The following KLHDC7B variants were observed in gnomAD, a reference collection of about 807,000 sequenced individuals.
The protein encoded by KLHDC7B is kelch domain containing 7B.
A neutral mutation model predicts 0.6 loss-of-function variants in KLHDC7B; 1 was observed. That is an observed-to-expected ratio of 1.71 (90% CI 0.61 to 8.11). KLHDC7B has a LOEUF of 8.11. Ranked by LOEUF, KLHDC7B falls within the 30% of genes most tolerant of loss-of-function variation. The probability of loss-of-function intolerance (pLI) is 0.13; values close to 1 mark genes in which losing one functional copy is unlikely to be tolerated. For missense variants in KLHDC7B, 993 were observed against 894.9 expected (o/e 1.11, Z -1.40); for synonymous variants, 462 against 405.2 (o/e 1.14, Z -1.68).
chr22:50,549,764 A>G lies in KLHDC7B; in HGVS notation c.3521A>G (p.His1174Arg), dbSNP rs131779. ...SLPLPAPAPL[H>R]CTTLGNTIYC... is the part of the protein sequence containing the mutation. Reference sequence around the variant, plus strand: ...CCCCTGCCCGCCCCCGCCCCACTGCACTGCACCACCCTGGGCAACACCATT... The same window carrying G: ...CCCCTGCCCGCCCCCGCCCCACTGCGCTGCACCACCCTGGGCAACACCATT... Residue 1174 changes from histidine (H) to arginine (R), a missense_variant, in exon 1 of 1, where the codon CAC (histidine) becomes CGC (arginine). Physicochemically the swap from His to Arg is conservative, Grantham distance 29. Transcript: ENST00000648057. 1,026,470 of 1,552,230 alleles carry G rather than the reference A, an allele frequency of 0.66. 331,507 individuals are homozygous for G. The highest frequency in any genetic ancestry group is 0.67 in the Non-Finnish European group (770,650 of 1,146,508).
chr22:50,548,124 C>T lies in KLHDC7B; in HGVS notation c.1881C>T (p.Tyr627=). The part of the protein sequence containing the change: ...PQESVALPRR[Y]QEGQVSASWG... ...AGAGTGTGGCTCTCCCCAGGCGCTA[C>T]CAGGAGGGGCAGGTCTCAGCCAGCT... Residue 627 remains tyrosine, a synonymous_variant, in exon 1 of 1, where the codon TAC becomes TAT. Coordinates refer to ENST00000648057, the MANE Select transcript of KLHDC7B (RefSeq NM_138433.5). This position sits in a 1 kb window ranked among gnomAD's most constrained non-coding sequence, Gnocchi z 5.3. The T allele has an allele frequency of 3.4e-6, 5 of 1,457,294 alleles. No homozygotes were observed. Among genetic ancestry groups the T allele is most frequent in the Non-Finnish European group, 4.5e-6 (5 of 1,103,120 alleles). The allele number at this position is 1,457,294 out of a possible 1,614,324, so 90.3% of individuals were successfully genotyped here. A position where few individuals can be genotyped will look rare whatever the true frequency, so the allele number is the denominator to read the frequency against.
upstream of KLHDC7B, among the ~76,000 whole-genome samples, chr22:50,547,353 C>A (rs1357526714): frequency 6.6e-6 from 1 of 151,812 alleles, no homozygotes; most frequent in Non-Finnish European, 1.5e-5. Flanking sequence ...CAGGGGCCTA[C>A]GATGCCGGCG....
In KLHDC7B at chr22:50,547,765, CCAGCTCCAACCT is replaced by C; in HGVS notation, c.1533_1544del (p.Ala513_Ser516del). The C allele has an allele frequency of 2.0e-6, 1 of 509,814 alleles. No individual in the cohort carries two copies. Among genetic ancestry groups the C allele is most frequent in the Non-Finnish European group, 3.5e-6 (1 of 289,362 alleles). The allele number at this position is 509,814 out of a possible 1,614,324, so 31.6% of individuals were successfully genotyped here. A position where few individuals can be genotyped will look rare whatever the true frequency, so the allele number is the denominator to read the frequency against. ...CTCATCCCCCACCTCAGCCCCAGCC[CCAGCTCCAACCT>C]CAGCTCCAACTTCAACCCCAGCCCC... On this transcript the variant is annotated inframe_deletion, in exon 1 of 1. Coordinates refer to ENST00000648057, the MANE Select transcript of KLHDC7B (RefSeq NM_138433.5).
In KLHDC7B at chr22:50,547,524, C is replaced by T. The variant is rs923031182; in HGVS notation, c.1281C>T (p.Gly427=). The T allele has an allele frequency of 7.5e-6, 3 of 398,184 alleles. No homozygotes were observed. Among genetic ancestry groups the T allele is most frequent in the South Asian group, 2.5e-4 (2 of 7,938 alleles). 24.7% of individuals were successfully genotyped at this position (398,184 alleles called of 1,614,324 possible). A position where few individuals can be genotyped will look rare whatever the true frequency, so the allele number is the denominator to read the frequency against. The stretch of plus-strand genomic sequence containing the variant: ...CCGCCTCCCCGCCCGCAGCTCCCGG[C>T]CCGGGGTTCCCACCTGAAGCCCTGA... The part of the protein sequence containing the change: ...PRSASPPAAP[G]PGFPPEALTL... Residue 427 remains glycine, a synonymous_variant, in exon 1 of 1, where the codon GGC becomes GGT. Transcript: ENST00000648057.
rs1297751047 is a variant in KLHDC7B at position 50,546,413 on chromosome 22, C to T, written c.170C>T (p.Pro57Leu). 5.0e-6 allele frequency: 2 copies of T among 399,176 alleles called. No individual in the cohort carries two copies. The highest frequency in any genetic ancestry group is 1.3e-4 in the South Asian group (1 of 7,868). 24.7% of individuals were successfully genotyped at this position (399,176 alleles called of 1,614,324 possible). A position where few individuals can be genotyped will look rare whatever the true frequency, so the allele number is the denominator to read the frequency against. Residue 57 changes from proline (P) to leucine (L), a missense_variant, in exon 1 of 1, where the codon CCG (proline) becomes CTG (leucine). Pro to Leu is a moderately conservative substitution (Grantham distance 98). Transcript: ENST00000648057. ...GGGCACGATCAAGAGGCGGCAGAAC[C>T]GGTGTCCACAGCCCTCGGGGCTCAA... is the stretch of plus-strand genomic sequence containing the variant. The part of the protein sequence containing the change: ...GSGHDQEAAE[P>L]VSTALGAQPH...
Position 50,546,895 on chromosome 22 carries a change from G to C in KLHDC7B, c.652G>C (p.Ala218Pro), listed in dbSNP as rs905051371. 1.3e-5 allele frequency among the ~76,000 whole-genome samples: 2 copies of C among 151,984 alleles called. No individual in the cohort carries two copies. The highest frequency in any genetic ancestry group is 2.9e-5 in the Non-Finnish European group (2 of 67,940). Reference protein sequence around the residue: ...QQDTGPWQAGAGPSGSMGRGR... With the variant: ...QQDTGPWQAGPGPSGSMGRGR... The stretch of plus-strand genomic sequence containing the variant: ...GGACACTGGCCCCTGGCAGGCGGGC[G>C]CGGGGCCCTCGGGCTCGATGGGGAG... The change falls in exon 1 of 1, where the codon GCG (alanine) becomes CCG (proline). Residue 218 changes from alanine (A) to proline (P), a missense_variant. Ala to Pro is a conservative substitution (Grantham distance 27). Transcript: ENST00000648057.
chr22:50,548,485 C>A lies in KLHDC7B; in HGVS notation c.2242C>A (p.Pro748Thr). 2 of 1,570,604 alleles carry A rather than the reference C, an allele frequency of 1.3e-6. No individual in the cohort carries two copies. Among genetic ancestry groups the A allele is most frequent in the East Asian group, 2.3e-5 (1 of 43,128 alleles). Residue 748 changes from proline (P) to threonine (T), a missense_variant, in exon 1 of 1, where the codon CCC becomes ACC. Transcript: ENST00000648057. The surrounding 1 kb of genome is among the most constrained non-coding windows in gnomAD (Gnocchi z 5.3). The stretch of plus-strand genomic sequence containing the variant: ...CGCGATGCCCAGGGGCCCCGCACAG[C>A]CCCCCGCGCAGAGGCCGCCTGGCCC... ...QAAMPRGPAQ[P>T]PAQRPPGPAA...
chr22:50,548,291 C>T lies in KLHDC7B; in HGVS notation c.2048C>T (p.Ser683Phe). The change falls in exon 1 of 1, where the codon TCT (serine) becomes TTT (phenylalanine). Residue 683 changes from serine (S) to phenylalanine (F), a missense_variant. Physicochemically the swap from Ser to Phe is radical, Grantham distance 155. Coordinates refer to ENST00000648057, the MANE Select transcript of KLHDC7B (RefSeq NM_138433.5). This position sits in a 1 kb window ranked among gnomAD's most constrained non-coding sequence, Gnocchi z 5.3. The part of the protein sequence containing the change: ...STHSEDRHGP[S>F]SSVGTVIGTG... ...CACTCTGAGGACAGACACGGCCCCT[C>T]TTCTTCAGTGGGGACAGTCATAGGG... is the stretch of plus-strand genomic sequence containing the variant. The T allele has an allele frequency of 6.4e-7, 1 of 1,551,196 alleles. No homozygotes were observed. Among genetic ancestry groups the T allele is most frequent in the East Asian group, 2.4e-5 (1 of 40,892 alleles).
chr22:50,549,613 C>G lies in KLHDC7B; in HGVS notation c.3370C>G (p.Arg1124Gly). ...CGAGTGCCCATACAGTGCCAGCCACCGGCGTTCCAGCGACATCGTGGCACT... is the reference window on the plus strand; with the variant it reads ...CGAGTGCCCATACAGTGCCAGCCACGGGCGTTCCAGCGACATCGTGGCACT... ...WDECPYSASH[R>G]RSSDIVALGG... The change falls in exon 1 of 1, where the codon CGG becomes GGG. Residue 1124 changes from arginine (R) to glycine (G), a missense_variant. Transcript: ENST00000648057. The G allele has an allele frequency of 6.4e-7, 1 of 1,558,836 alleles. No homozygotes were observed. Among genetic ancestry groups the G allele is most frequent in the Non-Finnish European group, 8.7e-7 (1 of 1,149,028 alleles).
Position 50,549,684 on chromosome 22 carries a change from C to T in KLHDC7B, c.3441C>T (p.Ala1147=), listed in dbSNP as rs771161287. 45 of 1,555,428 alleles carry T rather than the reference C, an allele frequency of 2.9e-5. No homozygotes were observed. Among genetic ancestry groups the T allele is most frequent in the Admixed American group, 2.0e-4 (11 of 55,420 alleles). Residue 1147 remains alanine, a synonymous_variant, in exon 1 of 1, where the codon GCC becomes GCT. Coordinates refer to ENST00000648057, the MANE Select transcript of KLHDC7B (RefSeq NM_138433.5). ...TCGACCTGCTGCGGGGCGTGGGCGC[C>T]GCCGTGATGCGCTACAACACAGTGA... ...YRFDLLRGVG[A]AVMRYNTVTG...
rs748815998 is a variant in KLHDC7B, at chr22:50,549,807, G to A, written c.3564G>A (p.Gln1188=). 3.7e-5 allele frequency: 54 copies of A among 1,441,728 alleles called. No individual in the cohort carries two copies. Among genetic ancestry groups the A allele is most frequent in the Non-Finnish European group, 4.6e-5 (50 of 1,078,376 alleles). The allele number at this position is 1,441,728 out of a possible 1,614,324, so 89.3% of individuals were successfully genotyped here. ...LGNTIYCLNP[Q]VTATFTVSGG... is the part of the protein sequence containing the mutation. ...ACACCATTTACTGCCTCAACCCCCAGGTCACTGCCACCTTCACGGTCTCTG... is the reference window on the plus strand; with the variant it reads ...ACACCATTTACTGCCTCAACCCCCAAGTCACTGCCACCTTCACGGTCTCTG... Residue 1188 remains glutamine, a synonymous_variant, in exon 1 of 1, where the codon CAG becomes CAA. Transcript: ENST00000648057.
At position 50,549,146 on chromosome 22, in the gene KLHDC7B, C is replaced by G. The variant is rs2069773043; in HGVS notation, c.2903C>G (p.Pro968Arg). The G allele has an allele frequency of 6.2e-7, 1 of 1,603,810 alleles. No individual in the cohort carries two copies. Among genetic ancestry groups the G allele is most frequent in the African/African-American group, 1.3e-5 (1 of 74,928 alleles). ...PLPAHLHVFNPRENTWRPLTQ... is the reference protein window; with the variant it reads ...PLPAHLHVFNRRENTWRPLTQ... ...CCTGCGCACCTGCATGTGTTCAACC[C>G]CCGGGAGAACACCTGGCGGCCCCTG... Residue 968 changes from proline (P) to arginine (R), a missense_variant, in exon 1 of 1, where the codon CCC (proline) becomes CGC (arginine). By Grantham distance (103) the Pro-to-Arg change is moderately radical. Coordinates refer to ENST00000648057, the MANE Select transcript of KLHDC7B (RefSeq NM_138433.5).
Position 50,548,652 on chromosome 22 carries a change from G to A in KLHDC7B, c.2409G>A (p.Gly803=). The change falls in exon 1 of 1, where the codon GGG becomes GGA. Residue 803 remains glycine (G), a synonymous_variant. Coordinates refer to ENST00000648057, the MANE Select transcript of KLHDC7B (RefSeq NM_138433.5). This position sits in a 1 kb window ranked among gnomAD's most constrained non-coding sequence, Gnocchi z 5.3. ...GDPQGEAPGE[G]GSPAGRSGAL... is the part of the protein sequence containing the mutation. The stretch of plus-strand genomic sequence containing the variant: ...CTCAAGGGGAGGCGCCGGGGGAGGG[G>A]GGCAGCCCTGCCGGCCGCAGCGGGG... 6.5e-7 allele frequency: 1 copy of A among 1,528,204 alleles called. No individual in the cohort carries two copies. Among genetic ancestry groups the A allele is most frequent in the Non-Finnish European group, 8.8e-7 (1 of 1,137,894 alleles). The allele number at this position is 1,528,204 out of a possible 1,614,324, so 94.7% of individuals were successfully genotyped here.
rs535679502 is a variant in KLHDC7B, at chr22:50,549,763, C to A, written c.3520C>A (p.His1174Asn). 1.9e-4 allele frequency: 307 copies of A among 1,599,862 alleles called. 2 individuals carry two copies. The East Asian group carries it at 6.5e-3, about 34-fold the overall frequency. The change falls in exon 1 of 1, where the codon CAC (histidine) becomes AAC (asparagine). Residue 1174 changes from histidine to asparagine, a missense_variant. Transcript: ENST00000648057. Reference sequence around the variant, plus strand: ...GCCCCTGCCCGCCCCCGCCCCACTGCACTGCACCACCCTGGGCAACACCAT... The same window carrying A: ...GCCCCTGCCCGCCCCCGCCCCACTGAACTGCACCACCCTGGGCAACACCAT... ...SLPLPAPAPL[H>N]CTTLGNTIYC... is the part of the protein sequence containing the mutation.
Position 50,548,658 on chromosome 22 carries a change from C to T in KLHDC7B, c.2415C>T (p.Ser805=), listed in dbSNP as rs1330495224. ...GGGAGGCGCCGGGGGAGGGGGGCAGCCCTGCCGGCCGCAGCGGGGCGCTCA... is the reference window on the plus strand; with the variant it reads ...GGGAGGCGCCGGGGGAGGGGGGCAGTCCTGCCGGCCGCAGCGGGGCGCTCA... The part of the protein sequence containing the change: ...PQGEAPGEGG[S]PAGRSGALTE... The change falls in exon 1 of 1, where the codon AGC becomes AGT. Residue 805 remains serine (S), a synonymous_variant. Coordinates refer to ENST00000648057, the MANE Select transcript of KLHDC7B (RefSeq NM_138433.5). The surrounding 1 kb of genome is among the most constrained non-coding windows in gnomAD (Gnocchi z 5.3). 4 of 1,521,314 alleles carry T rather than the reference C, an allele frequency of 2.6e-6. No individual in the cohort carries two copies. In the South Asian group the frequency reaches 3.7e-5, roughly 14 times the overall value. 94.2% of individuals were successfully genotyped at this position (1,521,314 alleles called of 1,614,324 possible).
rs1056443345 is a variant in KLHDC7B, at chr22:50,548,690, A to C, written c.2447A>C (p.Lys816Thr). ...PAGRSGALTE[K>T]QEEARKLMVF... ...GGCCGCAGCGGGGCGCTCACGGAAA[A>C]GCAGGAGGAGGCCCGGAAGCTCATG... The change falls in exon 1 of 1, where the codon AAG (lysine) becomes ACG (threonine). Residue 816 changes from lysine (K) to threonine (T), a missense_variant. Transcript: ENST00000648057. This position sits in a 1 kb window ranked among gnomAD's most constrained non-coding sequence, Gnocchi z 5.3. 1.3e-6 allele frequency: 2 copies of C among 1,520,278 alleles called. No individual in the cohort carries two copies. The highest frequency in any genetic ancestry group is 2.8e-5 in the African/African-American group (2 of 70,636). 94.2% of individuals were successfully genotyped at this position (1,520,278 alleles called of 1,614,324 possible). A position where few individuals can be genotyped will look rare whatever the true frequency, so the allele number is the denominator to read the frequency against.
rs1225337900 is a variant in KLHDC7B at position 50,547,325 on chromosome 22, C to T, written c.1082C>T (p.Ser361Phe). ...ESPPQGRPLS[S>F]QGPGATGAYD... Reference sequence around the variant, plus strand: ...CCGCCTCAAGGTCGCCCACTCTCGTCCCAAGGGCCGGGTGCCACAGGGGCC... The same window carrying T: ...CCGCCTCAAGGTCGCCCACTCTCGTTCCAAGGGCCGGGTGCCACAGGGGCC... The change falls in exon 1 of 1, where the codon TCC becomes TTC. Residue 361 changes from serine (S) to phenylalanine (F), a missense_variant. Transcript: ENST00000648057. Among the ~76,000 whole-genome samples the T allele has an allele frequency of 6.6e-6, 1 of 152,010 alleles. No individual in the cohort carries two copies. The highest frequency in any genetic ancestry group is 1.5e-5 in the Non-Finnish European group (1 of 67,946).
rs940988663 is a variant in KLHDC7B, at chr22:50,546,998, G to T, written c.755G>T (p.Arg252Leu). ...ARRPRKLDPL[R>L]LGAAGSVWDA... ...CGCCCCCGGAAACTGGACCCGCTCC[G>T]CCTGGGCGCCGCGGGGAGCGTGTGG... The change falls in exon 1 of 1, where the codon CGC becomes CTC. Residue 252 changes from arginine to leucine, a missense_variant. Coordinates refer to ENST00000648057, the MANE Select transcript of KLHDC7B (RefSeq NM_138433.5). Among the ~76,000 whole-genome samples, 1 of 151,464 alleles carries T rather than the reference G, an allele frequency of 6.6e-6. No individual in the cohort carries two copies. Among genetic ancestry groups the T allele is most frequent in the African/African-American group, 2.4e-5 (1 of 41,324 alleles).
Position 50,549,581 on chromosome 22 carries a change from C to A in KLHDC7B, c.3338C>A (p.Ala1113Asp), listed in dbSNP as rs757113409. 1 of 1,575,080 alleles carries A rather than the reference C, an allele frequency of 6.3e-7. No homozygotes were observed. The highest frequency in any genetic ancestry group is 1.2e-5 in the South Asian group (1 of 86,118). The part of the protein sequence containing the change: ...RLLRYSPVKD[A>D]WDECPYSASH... Reference sequence around the variant, plus strand: ...CTCAGGTACAGCCCCGTGAAGGATGCTTGGGACGAGTGCCCATACAGTGCC... The same window carrying A: ...CTCAGGTACAGCCCCGTGAAGGATGATTGGGACGAGTGCCCATACAGTGCC... The change falls in exon 1 of 1, where the codon GCT (alanine) becomes GAT (aspartate). Residue 1113 changes from alanine (A) to aspartate (D), a missense_variant. Transcript: ENST00000648057.
Sources: allele counts gnomAD v4.1 joint callset (sites outside exome capture counted in the v4.1 genomes callset), GRCh38; gene constraint gnomAD v4.1.1; non-coding constraint Gnocchi (gnomAD v3.1); transcripts MANE v1.5; gene names NCBI Gene and HGNC (gene_info 2026-07-23, HGNC 2026-07-21).